Variants in ADAM23 observed in about 807,000 individuals in gnomAD.
ADAM23 encodes the protein disintegrin and metalloproteinase domain-containing protein 23.
A neutral mutation model predicts 120.1 loss-of-function variants in ADAM23; 33 were observed. That is an observed-to-expected ratio of 0.27 (90% confidence interval 0.21 to 0.37). The LOEUF (loss-of-function observed/expected upper bound fraction) is 0.37. Among genes scored for constraint, ADAM23 ranks in the 10% least tolerant of loss-of-function variants. ADAM23 has a pLI of 1.00. For missense variants in ADAM23, 862 were observed against 1,058.2 expected, an observed-to-expected ratio of 0.81 and a Z score of 2.57; for synonymous variants, 367 against 375.2, an observed-to-expected ratio of 0.98 and a Z score of 0.25.
At chr2:206,576,549 AGAGG>A (rs1378483716) in intron 18 of ADAM23, among the ~76,000 whole-genome samples, 1 of 152,126 alleles carries the variant, frequency 6.6e-6, no homozygotes, top group Non-Finnish European at 1.5e-5. Flanking sequence ...AAATAGAAGT[AGAGG>A]GAGTTAAAAC....
intron 24 of ADAM23, among the ~76,000 whole-genome samples, chr2:206,600,468 T>C (rs1240670543): frequency 6.6e-6 from 1 of 152,174 alleles, no homozygotes; most frequent in African/African-American, 2.4e-5. Flanking sequence ...AATGAAAATA[T>C]GGCCTTTTTA....
chr2:206,483,433 G>A lies in ADAM23; in HGVS notation c.509+2125G>A, dbSNP rs116044411. On this transcript the variant is annotated intron_variant, in intron 3 of 25. Coordinates refer to ENST00000264377, the MANE Select transcript of ADAM23 (RefSeq NM_003812.4). ...CCTCAGGGGAGAGATGGGAGCTAGA[G>A]ATAGTAGACTTGGTAGGTATTTTTA... is the stretch of plus-strand genomic sequence containing the variant. Among the ~76,000 whole-genome samples, 996 of 152,276 alleles carry A rather than the reference G, an allele frequency of 6.5e-3. 12 individuals are homozygous for A. The highest frequency in any genetic ancestry group is 0.023 in the African/African-American group (935 of 41,552).
chr2:206,601,047 T>G (rs1698631453), intron 24 of ADAM23, among the ~76,000 whole-genome samples: 1 of 152,226 alleles, frequency 6.6e-6, no homozygotes, highest in Non-Finnish European at 1.5e-5. Flanking sequence ...GTATTTTAAC[T>G]CTGTTTAAAA....
chr2:206,474,172 T>A (rs1334583902), intron 2 of ADAM23, among the ~76,000 whole-genome samples: 1 of 152,154 alleles, frequency 6.6e-6, no homozygotes, highest in Non-Finnish European at 1.5e-5. Context: ...CATGATAATA[T>A]TTTTCTCCTT....
chr2:206,518,555 GA>G, intron 3 of ADAM23, among the ~76,000 whole-genome samples: 1 of 152,170 alleles, frequency 6.6e-6, no homozygotes, highest in Non-Finnish European at 1.5e-5. Flanking sequence ...ACAATTAAGT[GA>G]TGGTTTTCTA....
chr2:206,499,753 A>G (rs1380777543), intron 3 of ADAM23, among the ~76,000 whole-genome samples: 2 of 152,182 alleles, frequency 1.3e-5, no homozygotes, highest in Admixed American at 6.6e-5. Flanking sequence ...CTGAATGGAA[A>G]CATCTAGTGA....
chr2:206,563,727 C>CTTTTT (rs3084932), intron 13 of ADAM23, among the ~76,000 whole-genome samples: 1 of 140,506 alleles, frequency 7.1e-6, no homozygotes, highest in African/African-American at 2.6e-5. Context: ...TCCTAAAATT[C>CTTTTT]TTTTTTTTTT....
At chr2:206,456,257 G>A (rs1260435027) in intron 2 of ADAM23, among the ~76,000 whole-genome samples, 1 of 151,950 alleles carries the variant, frequency 6.6e-6, no homozygotes, top group Non-Finnish European at 1.5e-5. Flanking sequence ...GAGCAAGCAA[G>A]GGGGGAAGTG....
intron 18 of ADAM23, among the ~76,000 whole-genome samples, chr2:206,580,312 C>T (rs1444280299): frequency 6.6e-6 from 1 of 152,134 alleles, no homozygotes; most frequent in African/African-American, 2.4e-5. Flanking sequence ...AGAGGGAATG[C>T]TTTCAACTTT....
intron 4 of ADAM23, among the ~76,000 whole-genome samples, chr2:206,538,448 A>T (rs938028233): frequency 7.2e-5 from 11 of 152,200 alleles, no homozygotes; most frequent in Admixed American, 1.3e-4. Context: ...ATTTGAGTAT[A>T]GTGTCAGTAG....
At chr2:206,539,146 C>T (rs1276436617) in intron 4 of ADAM23, among the ~76,000 whole-genome samples, 3 of 152,168 alleles carry the variant, frequency 2.0e-5, no homozygotes, top group African/African-American at 7.2e-5. Context: ...CATGATATGG[C>T]TTGTGGAGTG....
At chr2:206,590,853 A>G (rs1182613174) in intron 21 of ADAM23, among the ~76,000 whole-genome samples, 3 of 152,176 alleles carry the variant, frequency 2.0e-5, no homozygotes, top group Non-Finnish European at 4.4e-5. Flanking sequence ...CTTGAATTTG[A>G]TTAGCTTTAT....
intron 1 of ADAM23, among the ~76,000 whole-genome samples, 154 bp from the exon 2 acceptor site, chr2:206,445,153 T>C (rs894706080): frequency 2.6e-5 from 4 of 152,360 alleles, no homozygotes; most frequent in Admixed American, 2.6e-4. Context: ...CTTGCTTTAC[T>C]CTAGCTCTAC....
Position 206,542,572 on chromosome 2 carries a change from G to A in ADAM23, c.656+438G>A, listed in dbSNP as rs148215159. ...TGACAAAGAGAGGGGTTCGCACATT[G>A]ACCTAGGGGTGGGCTCTAACAAAAC... is the stretch of plus-strand genomic sequence containing the variant. On this transcript the variant is annotated intron_variant, in intron 5 of 25. Transcript: ENST00000264377. Among the ~76,000 whole-genome samples, 297 of 152,266 alleles carry A rather than the reference G, an allele frequency of 2.0e-3. 1 individual carries two copies. The highest frequency in any genetic ancestry group is 6.7e-3 in the African/African-American group (278 of 41,556).
chr2:206,514,688 A>G (rs1696694534), intron 3 of ADAM23, among the ~76,000 whole-genome samples: 2 of 152,214 alleles, frequency 1.3e-5, no homozygotes. Context: ...ATCACATGCT[A>G]CAGAGAAATC....
chr2:206,502,933 G>T (rs561360008), intron 3 of ADAM23, among the ~76,000 whole-genome samples: 1 of 152,236 alleles, frequency 6.6e-6, no homozygotes, highest in South Asian at 2.1e-4. Context: ...CCCCCAGGGG[G>T]AGCTATGTAG....
intron 2 of ADAM23, among the ~76,000 whole-genome samples, chr2:206,474,945 A>G (rs1695746309): frequency 6.6e-6 from 1 of 152,122 alleles, no homozygotes; most frequent in Non-Finnish European, 1.5e-5. Flanking sequence ...TTTGTATTTT[A>G]TTGACCGGAA....
chr2:206,598,509 A>G (rs1417916348), intron 24 of ADAM23, among the ~76,000 whole-genome samples: 2 of 151,454 alleles, frequency 1.3e-5, no homozygotes, highest in Non-Finnish European at 3.0e-5. Context: ...CACTACCTTT[A>G]AAAAAAAATA....
intron 25 of ADAM23, among the ~76,000 whole-genome samples, chr2:206,614,604 A>G (rs1338176557): frequency 6.6e-6 from 1 of 152,122 alleles, no homozygotes; most frequent in Non-Finnish European, 1.5e-5. Context: ...GTGAGCCGAG[A>G]CTGCGCCATT....
Sources: allele counts gnomAD v4.1 joint callset (sites outside exome capture counted in the v4.1 genomes callset), GRCh38; gene constraint gnomAD v4.1.1; transcripts MANE v1.5; gene names NCBI Gene and HGNC (gene_info 2026-07-23, HGNC 2026-07-21).